The following CDH4 variants were observed in gnomAD, a reference collection of about 807,000 sequenced individuals.
The protein encoded by CDH4 is cadherin 4.
CDH4 carries 33 observed loss-of-function variants against 86.0 expected under a neutral mutation model. That is an observed-to-expected ratio of 0.38 (90% CI 0.29 to 0.51). The LOEUF is 0.51. Ranked by LOEUF, CDH4 falls within the 20% of genes least tolerant of loss-of-function variation. The pLI, the probability that CDH4 is intolerant of heterozygous loss-of-function variation, is 0.86. For missense variants in CDH4, 1,114 were observed against 1,307.4 expected, an observed-to-expected ratio of 0.85 and a Z score of 2.28; for synonymous variants, 555 against 549.4, an observed-to-expected ratio of 1.01 and a Z score of -0.14.
intron 4 of CDH4, among the ~76,000 whole-genome samples, chr20:61,777,955 A>G (rs1978340757): frequency 6.6e-6 from 1 of 151,674 alleles, no homozygotes; most frequent in Non-Finnish European, 1.5e-5. Flanking sequence ...ACACATGCAC[A>G]CACGTGCATA....
At chr20:61,469,180 G>A (rs1015416231) in intron 2 of CDH4, among the ~76,000 whole-genome samples, 23 of 152,138 alleles carry the variant, frequency 1.5e-4, no homozygotes, top group African/African-American at 5.1e-4. Flanking sequence ...CAGTGTATGA[G>A]GGTTCCCTTT....
At chr20:61,548,955 A>G (rs933810719) in intron 2 of CDH4, among the ~76,000 whole-genome samples, 1 of 152,070 alleles carries the variant, frequency 6.6e-6, no homozygotes, top group Non-Finnish European at 1.5e-5. Context: ...GTATCTTGTT[A>G]TATAAAACTA....
Position 61,781,552 on chromosome 20 carries a change from G to C in CDH4, c.576+8370G>C, listed in dbSNP as rs551600035. Among the ~76,000 whole-genome samples the C allele has an allele frequency of 1.3e-5, 2 of 152,212 alleles. 1 individual carries two copies. Among genetic ancestry groups the C allele is most frequent in the South Asian group, 4.2e-4 (2 of 4,818 alleles). On this transcript the variant is annotated intron_variant, in intron 4 of 15. Coordinates refer to ENST00000614565, the MANE Select transcript of CDH4 (RefSeq NM_001794.5). ...TGCTGAGGCAGGAGAAAGGGTCAGC[G>C]CATTTGAAGATGGATCAATACAATT...
chr20:61,377,363 G>A lies in CDH4; in HGVS notation c.169+122426G>A, dbSNP rs1006527113. 3.9e-5 allele frequency among the ~76,000 whole-genome samples: 6 copies of A among 152,040 alleles called. No individual in the cohort carries two copies. Among genetic ancestry groups the A allele is most frequent in the African/African-American group, 1.2e-4 (5 of 41,386 alleles). The stretch of plus-strand genomic sequence containing the variant: ...CCCATTCCATGTCTAAGTGCCCATC[G>A]GACGGTTGAGTTGTGTGGTCCAGGG... On this transcript the variant is annotated intron_variant, in intron 2 of 15. Coordinates refer to ENST00000614565, the MANE Select transcript of CDH4 (RefSeq NM_001794.5). This position sits in a 1 kb window ranked among gnomAD's most constrained non-coding sequence, Gnocchi z 4.0.
chr20:61,813,608 G>A (rs749586847), intron 4 of CDH4, among the ~76,000 whole-genome samples: 2 of 152,186 alleles, frequency 1.3e-5, no homozygotes, highest in Non-Finnish European at 2.9e-5. Flanking sequence ...GGGAGGGAGC[G>A]GTCGTTCTGC....
chr20:61,383,492 AAT>A (rs1259849321), intron 2 of CDH4, among the ~76,000 whole-genome samples: 1 of 58,894 alleles, frequency 1.7e-5, no homozygotes, highest in Non-Finnish European at 3.1e-5. Flanking sequence ...ATATATATGA[AAT>A]ATATTATATA....
intron 2 of CDH4, among the ~76,000 whole-genome samples, chr20:61,475,753 C>T (rs1285731175): frequency 6.8e-6 from 1 of 147,324 alleles, no homozygotes; most frequent in Non-Finnish European, 1.5e-5. Context: ...TTAAGGTAAA[C>T]CTTATTCCTG....
At chr20:61,920,738 T>TCAC (rs1325004259) in intron 9 of CDH4, among the ~76,000 whole-genome samples, 3 of 147,634 alleles carry the variant, frequency 2.0e-5, no homozygotes, top group South Asian at 4.4e-4. Flanking sequence ...AAGCGTGGTG[T>TCAC]GGTGATTGCA....
intron 2 of CDH4, among the ~76,000 whole-genome samples, chr20:61,533,892 C>T (rs1220489529): frequency 6.6e-6 from 1 of 152,232 alleles, no homozygotes; most frequent in Non-Finnish European, 1.5e-5. Context: ...CCCCAACTCC[C>T]ACAGAAGCAT....
In CDH4 at chr20:61,283,342, G is replaced by A. The variant is rs1276700427; in HGVS notation, c.169+28405G>A. ...CACGCGCGTGCTGTGGCGTGTGTGC[G>A]TTTGCACGCGCGTGCTGTGGCGTGT... On this transcript the variant is annotated intron_variant, in intron 2 of 15. Transcript: ENST00000614565. 2.0e-4 allele frequency among the ~76,000 whole-genome samples: 23 copies of A among 114,636 alleles called. 5 individuals carry two copies. Among genetic ancestry groups the A allele is most frequent in the African/African-American group, 6.8e-4 (19 of 28,010 alleles). 75.2% of individuals were successfully genotyped at this position (114,636 alleles called of 152,430 possible). A position where few individuals can be genotyped will look rare whatever the true frequency, so the allele number is the denominator to read the frequency against.
chr20:61,691,029 C>T (rs2087646913), intron 2 of CDH4, among the ~76,000 whole-genome samples: 1 of 152,186 alleles, frequency 6.6e-6, no homozygotes, highest in Non-Finnish European at 1.5e-5. Context: ...ATGATTTTAG[C>T]ATTTGGTACC....
chr20:61,393,270 G>T lies in CDH4; in HGVS notation c.169+138333G>T, dbSNP rs537551562. Among the ~76,000 whole-genome samples, 216 of 152,186 alleles carry T rather than the reference G, an allele frequency of 1.4e-3. 7 individuals are homozygous for T. In the South Asian group the frequency reaches 0.043, roughly 30 times the overall value. On this transcript the variant is annotated intron_variant, in intron 2 of 15. Transcript: ENST00000614565. The surrounding 1 kb of genome is among the most constrained non-coding windows in gnomAD (Gnocchi z 4.3). ...CCCTCCAACAAGAGGCCATCTCACG[G>T]GCGAGCCCACACACCTGGAGAGAAA...
chr20:61,725,618 C>T (rs1488657235), intron 2 of CDH4, among the ~76,000 whole-genome samples: 1 of 152,118 alleles, frequency 6.6e-6, no homozygotes, highest in Non-Finnish European at 1.5e-5. Context: ...ACAAGAAACA[C>T]CCCCAAATTG....
intron 2 of CDH4, among the ~76,000 whole-genome samples, chr20:61,459,599 G>T (rs1415803159): frequency 6.6e-6 from 1 of 150,968 alleles, no homozygotes; most frequent in Non-Finnish European, 1.5e-5. Flanking sequence ...GCCCAGGGAG[G>T]GATGGAGAGC....
chr20:61,629,932 G>A (rs565780749), intron 2 of CDH4, among the ~76,000 whole-genome samples: 1 of 152,336 alleles, frequency 6.6e-6, no homozygotes, highest in East Asian at 1.9e-4. Flanking sequence ...CTCAGCGCAA[G>A]GAGTCAGGGA....
rs1169319854 is a variant in CDH4 at position 61,939,504 on chromosome 20, T to G, written c.*2561T>G. On this transcript the variant is annotated 3_prime_UTR_variant, in exon 16 of 16. Transcript: ENST00000614565. The stretch of plus-strand genomic sequence containing the variant: ...CTCCAAACAGCTGGACAGCTTCCCC[T>G]CTACCCCCACCCTGGTGAGCCCCTG... The G allele has an allele frequency of 6.6e-6, 1 of 152,406 alleles. No homozygotes were observed. Among genetic ancestry groups the G allele is most frequent in the Non-Finnish European group, 1.5e-5 (1 of 68,152 alleles). 9.4% of individuals were successfully genotyped at this position (152,406 alleles called of 1,614,324 possible). A position where few individuals can be genotyped will look rare whatever the true frequency, so the allele number is the denominator to read the frequency against.
chr20:61,434,920 A>C (rs1354307849), intron 2 of CDH4: 1 of 152,068 alleles, frequency 6.6e-6, no homozygotes, highest in Non-Finnish European at 1.5e-5. Flanking sequence ...CCTTTCTTTT[A>C]ATATGTCTTA....
intron 2 of CDH4, among the ~76,000 whole-genome samples, chr20:61,706,281 G>A (rs1029505485): frequency 8.5e-5 from 13 of 152,116 alleles, no homozygotes; most frequent in African/African-American, 2.9e-4. Context: ...AGGCTTTGGG[G>A]CTGTGTGTTT....
chr20:61,696,553 G>C (rs1384630376), intron 2 of CDH4, among the ~76,000 whole-genome samples: 1 of 152,224 alleles, frequency 6.6e-6, no homozygotes, highest in Admixed American at 6.5e-5. Flanking sequence ...CTTAAGACGG[G>C]ACCGGGGCTG....
Sources: allele counts gnomAD v4.1 joint callset (sites outside exome capture counted in the v4.1 genomes callset), GRCh38; gene constraint gnomAD v4.1.1; non-coding constraint Gnocchi (gnomAD v3.1); transcripts MANE v1.5; gene names NCBI Gene and HGNC (gene_info 2026-07-23, HGNC 2026-07-21).